The following SLC4A9 variants were observed in gnomAD, a reference collection of about 807,000 sequenced individuals.
SLC4A9 encodes the protein solute carrier family 4 member 9, also known as anion exchange protein 4.
A neutral mutation model predicts 103.2 loss-of-function variants in SLC4A9; 102 were observed. That is an observed-to-expected ratio of 0.99 (90% confidence interval 0.84 to 1.17). The LOEUF (loss-of-function observed/expected upper bound fraction) is 1.17, where lower values mean the gene tolerates loss of function less well. SLC4A9 is among the 50% of genes most tolerant of loss of function. The probability of loss-of-function intolerance (pLI) is 0.00; values close to 1 mark genes in which losing one functional copy is unlikely to be tolerated. For synonymous variants in SLC4A9, 453 were observed against 483.6 expected (o/e 0.94, Z 0.83); for missense variants, 1,091 against 1,193.7 (o/e 0.91, Z 1.27).
Position 140,367,528 on chromosome 5 carries a change from A to G in SLC4A9, c.2122A>G (p.Met708Val), listed in dbSNP as rs371819560. The change falls in exon 15 of 22, where the codon ATG (methionine) becomes GTG (valine). Residue 708 changes from methionine (M) to valine (V), a missense_variant. Coordinates refer to ENST00000506757, the MANE Select transcript of SLC4A9 (RefSeq NM_031467.3). The stretch of plus-strand genomic sequence containing the variant: ...CCTGCTGCTGTCTATCCTCATCTTC[A>G]TGGACCAACAGATCACAGCAGTCAT... ...PALLLSILIF[M>V]DQQITAVILN... 1.1e-5 allele frequency: 17 copies of G among 1,604,240 alleles called. No homozygotes were observed. Among genetic ancestry groups the G allele is most frequent in the East Asian group, 2.3e-5 (1 of 44,440 alleles).
chr5:140,362,425 G>T lies in SLC4A9; in HGVS notation c.720-20G>T, dbSNP rs1182667100. On this transcript the variant is annotated intron_variant, in intron 5 of 21. Transcript: ENST00000506757. Reference sequence around the variant, plus strand: ...TGGGAAAGCAGCCTGTGAATCTCTGGGGCCTGGTTCCTTCCTCAGGTTTTT... The same window carrying T: ...TGGGAAAGCAGCCTGTGAATCTCTGTGGCCTGGTTCCTTCCTCAGGTTTTT... The T allele has an allele frequency of 6.2e-7, 1 of 1,611,518 alleles. No individual in the cohort carries two copies. Among genetic ancestry groups the T allele is most frequent in the Non-Finnish European group, 8.5e-7 (1 of 1,177,638 alleles).
At chr5:140,368,070 C>A (rs151281044) in intron 16 of SLC4A9, among the ~76,000 whole-genome samples, 172 bp downstream of exon 16, 1 of 152,176 alleles carries the variant, frequency 6.6e-6, no homozygotes, top group African/African-American at 2.4e-5. Context: ...ATCTTCCCCT[C>A]TCTCCCCTCA....
At chr5:140,362,555 T>C (rs774682144) in intron 6 of SLC4A9, 23 bp downstream of exon 6, 3 of 1,608,564 alleles carry the variant, frequency 1.9e-6, no homozygotes, top group Non-Finnish European at 2.6e-6. Flanking sequence ...GGTGTGTGTG[T>C]GTGCGCGCGC....
chr5:140,367,436 G>A lies in SLC4A9; in HGVS notation c.2030G>A (p.Arg677His), dbSNP rs750358513. The A allele has an allele frequency of 3.4e-5, 54 of 1,611,674 alleles. No homozygotes were observed. Among genetic ancestry groups the A allele is most frequent in the East Asian group, 6.7e-5 (3 of 44,840 alleles). Residue 677 changes from arginine (R) to histidine (H), a missense_variant, in exon 15 of 22, where the codon CGT becomes CAT. Coordinates refer to ENST00000506757, the MANE Select transcript of SLC4A9 (RefSeq NM_031467.3). ...CTCCTCCAGCCCACACTCCCTGGGC[G>A]TGGCTGGCTGGTGTCACCTTTTGGA... ...PREFKPTLPG[R>H]GWLVSPFGAN...
chr5:140,367,869 C>G lies in SLC4A9; in HGVS notation c.2325C>G (p.Pro775=), dbSNP rs758766611. 8 of 1,613,846 alleles carry G rather than the reference C, an allele frequency of 5.0e-6. No individual in the cohort carries two copies. The highest frequency in any genetic ancestry group is 5.9e-6 in the Non-Finnish European group (7 of 1,179,828). ...GGAGAGAGAGCAGAGCCTGTGCCCC[C>G]GGGGAGCGCCCCAACTTCCTGGGTA... ...SLRRESRACA[P]GERPNFLGIR... The change falls in exon 16 of 22, where the codon CCC becomes CCG. Residue 775 remains proline, a synonymous_variant. Coordinates refer to ENST00000506757, the MANE Select transcript of SLC4A9 (RefSeq NM_031467.3).
chr5:140,361,843 G>A lies in SLC4A9; in HGVS notation c.541G>A (p.Glu181Lys). Residue 181 changes from glutamate to lysine, a missense_variant, in exon 4 of 22, where the codon GAA (glutamate) becomes AAA (lysine). Coordinates refer to ENST00000506757, the MANE Select transcript of SLC4A9 (RefSeq NM_031467.3). ...THPRKASDNE[E>K]APLREQCQNP... is the part of the protein sequence containing the mutation. ...TCCAAGAAAGGCTTCTGACAATGAG[G>A]AAGCCCCCCTGAGGGAACAGGTTTG... The A allele has an allele frequency of 1.2e-6, 2 of 1,614,034 alleles. No individual in the cohort carries two copies. The highest frequency in any genetic ancestry group is 2.7e-5 in the African/African-American group (2 of 75,060).
chr5:140,373,572 T>C (rs1386516529), intron 21 of SLC4A9, among the ~76,000 whole-genome samples: 1 of 152,126 alleles, frequency 6.6e-6, no homozygotes, highest in Non-Finnish European at 1.5e-5. Flanking sequence ...GGGTGTTCCA[T>C]TTCTAAGAGG....
intron 13 of SLC4A9, 53 bp downstream of exon 13, chr5:140,366,075 C>T: frequency 6.2e-7 from 1 of 1,610,046 alleles, no homozygotes; most frequent in South Asian, 1.1e-5. Flanking sequence ...GCTTTGGGTC[C>T]TATCTGTGAT....
chr5:140,360,205 C>A lies in SLC4A9; in HGVS notation c.-32C>A. 5 of 1,576,918 alleles carry A rather than the reference C, an allele frequency of 3.2e-6. No homozygotes were observed. Among genetic ancestry groups the A allele is most frequent in the Non-Finnish European group, 4.3e-6 (5 of 1,154,206 alleles). On this transcript the variant is annotated 5_prime_UTR_variant, in exon 1 of 22. The change creates a new upstream start codon in the 5' untranslated region. Transcript: ENST00000506757. Reference sequence around the variant, plus strand: ...GGGCCCCTGGCTTCAGAACCTAGGACTGTACTGGTTCTGAGATTCTGTGCA... The same window carrying A: ...GGGCCCCTGGCTTCAGAACCTAGGAATGTACTGGTTCTGAGATTCTGTGCA...
chr5:140,364,034 G>C lies in SLC4A9; in HGVS notation c.1255-20G>C, dbSNP rs1033269292. The C allele has an allele frequency of 9.2e-6, 14 of 1,525,392 alleles. No homozygotes were observed. Among genetic ancestry groups the C allele is most frequent in the Non-Finnish European group, 1.2e-5 (14 of 1,136,996 alleles). 94.5% of individuals were successfully genotyped at this position (1,525,392 alleles called of 1,614,324 possible). ...CCCGAGGACTTCAGGGTCCTGTGCTGAGCCCCTGTTGGCTTCCAGGGAGTG... is the reference window on the plus strand; with the variant it reads ...CCCGAGGACTTCAGGGTCCTGTGCTCAGCCCCTGTTGGCTTCCAGGGAGTG... On this transcript the variant is annotated intron_variant, in intron 9 of 21. Transcript: ENST00000506757.
Position 140,364,036 on chromosome 5 carries a change from G to T in SLC4A9, c.1255-18G>T, listed in dbSNP as rs1158593951. 1 of 1,524,308 alleles carries T rather than the reference G, an allele frequency of 6.6e-7. No individual in the cohort carries two copies. The highest frequency in any genetic ancestry group is 1.3e-5 in the South Asian group (1 of 77,248). 94.4% of individuals were successfully genotyped at this position (1,524,308 alleles called of 1,614,324 possible). On this transcript the variant is annotated intron_variant, in intron 9 of 21. Transcript: ENST00000506757. ...CGAGGACTTCAGGGTCCTGTGCTGA[G>T]CCCCTGTTGGCTTCCAGGGAGTGCT...
intron 3 of SLC4A9, 86 bp downstream of exon 3, chr5:140,361,453 GC>G: frequency 8.8e-7 from 1 of 1,142,512 alleles, no homozygotes; most frequent in East Asian, 2.6e-5. Flanking sequence ...GCTAGAAGTA[GC>G]CCAGGCTTAG....
At chr5:140,367,635 C>A in intron 15 of SLC4A9, 54 bp downstream of exon 15, 1 of 1,599,908 alleles carries the variant, frequency 6.3e-7, no homozygotes, top group Admixed American at 1.7e-5. Flanking sequence ...CCAGGGGAGT[C>A]TACGCTCCTC....
At chr5:140,371,365 C>A in intron 18 of SLC4A9, 86 bp from the exon 19 acceptor site, 1 of 1,538,048 alleles carries the variant, frequency 6.5e-7, no homozygotes, top group Non-Finnish European at 8.9e-7. Context: ...TGCCTGCTCC[C>A]AGTGCTGGGC....
chr5:140,366,947 G>C (rs1219432357), intron 14 of SLC4A9, among the ~76,000 whole-genome samples: 1 of 152,216 alleles, frequency 6.6e-6, no homozygotes, highest in Non-Finnish European at 1.5e-5. Flanking sequence ...CAAGACAGGA[G>C]AGCAGGGAGG....
chr5:140,373,061 A>C (rs943989667), intron 21 of SLC4A9, among the ~76,000 whole-genome samples: 1 of 152,324 alleles, frequency 6.6e-6, no homozygotes, highest in East Asian at 1.9e-4. Flanking sequence ...AAGTTTGGTC[A>C]GTAGAGGGAG....
chr5:140,364,756 A>G (rs1767638717), intron 11 of SLC4A9, 131 bp downstream of exon 11: 2 of 1,090,778 alleles, frequency 1.8e-6, no homozygotes, highest in Non-Finnish European at 2.6e-6. Context: ...TGGCAGTACT[A>G]TTTACACTCT....
rs1002634563 is a variant in SLC4A9, at chr5:140,363,204, G to A, written c.962+138G>A. 8.4e-7 allele frequency: 1 copy of A among 1,185,136 alleles called. No homozygotes were observed. The highest frequency in any genetic ancestry group is 1.2e-6 in the Non-Finnish European group (1 of 842,562). 73.4% of individuals were successfully genotyped at this position (1,185,136 alleles called of 1,614,324 possible). A position where few individuals can be genotyped will look rare whatever the true frequency, so the allele number is the denominator to read the frequency against. The stretch of plus-strand genomic sequence containing the variant: ...TTTGGAGTCAGGCAGACCTAACTCT[G>A]AGTTCTGCTGGACTACTCTCTCGCT... On this transcript the variant is annotated intron_variant, in intron 7 of 21. Coordinates refer to ENST00000506757, the MANE Select transcript of SLC4A9 (RefSeq NM_031467.3). The surrounding 1 kb of genome is among the most constrained non-coding windows in gnomAD (Gnocchi z 4.5).
Position 140,364,039 on chromosome 5 carries a change from C to T in SLC4A9, c.1255-15C>T. Reference sequence around the variant, plus strand: ...GGACTTCAGGGTCCTGTGCTGAGCCCCTGTTGGCTTCCAGGGAGTGCTGGA... The same window carrying T: ...GGACTTCAGGGTCCTGTGCTGAGCCTCTGTTGGCTTCCAGGGAGTGCTGGA... On this transcript the variant is annotated splice_polypyrimidine_tract_variant and intron_variant, in intron 9 of 21. Transcript: ENST00000506757. The T allele has an allele frequency of 6.6e-7, 1 of 1,526,084 alleles. No homozygotes were observed. The highest frequency in any genetic ancestry group is 8.8e-7 in the Non-Finnish European group (1 of 1,137,628). 94.5% of individuals were successfully genotyped at this position (1,526,084 alleles called of 1,614,324 possible).
Sources: gnomAD v4.1 joint callset for allele counts (sites outside exome capture counted in the v4.1 genomes callset) on GRCh38, gnomAD v4.1.1 for gene constraint, Gnocchi (gnomAD v3.1) non-coding constraint, MANE v1.5 for transcripts, NCBI Gene and HGNC (gene_info 2026-07-23, HGNC 2026-07-21) for gene names.